The following ASTN2 variants were observed in gnomAD, a reference collection of about 807,000 sequenced individuals.
The protein encoded by ASTN2 is astrotactin 2.
A neutral mutation model predicts 139.8 loss-of-function variants in ASTN2; 54 were observed. That is an observed-to-expected ratio of 0.39 (90% CI 0.31 to 0.48). The LOEUF (loss-of-function observed/expected upper bound fraction) is 0.48. Among genes scored for constraint, ASTN2 ranks in the 20% least tolerant of loss-of-function variants. The pLI, the probability that ASTN2 is intolerant of heterozygous loss-of-function variation, is 0.95. For missense variants in ASTN2, 1,565 were observed against 1,725.1 expected, an observed-to-expected ratio of 0.91 and a Z score of 1.64; for synonymous variants, 756 against 719.5, an observed-to-expected ratio of 1.05 and a Z score of -0.81.
intron 2 of ASTN2, among the ~76,000 whole-genome samples, chr9:117,246,248 C>A (rs1304391008): frequency 6.6e-6 from 1 of 152,180 alleles, no homozygotes; most frequent in Non-Finnish European, 1.5e-5. Flanking sequence ...TCAATTCTTG[C>A]AAGAGATTCA....
rs142523515 is a variant in ASTN2, at chr9:116,632,194, GAGAAAGAAAGA to G, written c.3073-11762_3073-11752del. 4.8e-4 allele frequency among the ~76,000 whole-genome samples: 20 copies of G among 42,026 alleles called. 1 individual carries two copies. Among genetic ancestry groups the G allele is most frequent in the African/African-American group, 8.5e-4 (8 of 9,418 alleles). 27.6% of individuals were successfully genotyped at this position (42,026 alleles called of 152,430 possible). On this transcript the variant is annotated intron_variant, in intron 17 of 22. Transcript: ENST00000313400. ...AGAGAGAGAGAGAGAGGGAGAGAGA[GAGAAAGAAAGA>G]AAAGAAAGAAAGAAAGAAAGAAAGA...
intron 1 of ASTN2, among the ~76,000 whole-genome samples, chr9:117,410,945 G>A (rs1210908027): frequency 6.6e-6 from 1 of 152,160 alleles, no homozygotes; most frequent in Non-Finnish European, 1.5e-5. Flanking sequence ...TTGGAGAAAA[G>A]CTCTTGTCTA....
In ASTN2 at chr9:116,948,824, A is replaced by T. The variant is rs1288951529; in HGVS notation, c.1889+26384T>A. On this transcript the variant is annotated intron_variant, in intron 10 of 22. Coordinates refer to ENST00000313400, the MANE Select transcript of ASTN2 (RefSeq NM_001365068.1). The stretch of plus-strand genomic sequence containing the variant: ...TTTTTTTTTTTTGAGAAGGAGTCTC[A>T]CTCTGTCACCCAGGCTGGAGTGCAA... Among the ~76,000 whole-genome samples the T allele has an allele frequency of 6.6e-5, 5 of 75,610 alleles. No homozygotes were observed. In the South Asian group the frequency reaches 1.3e-3, roughly 20 times the overall value. 49.6% of individuals were successfully genotyped at this position (75,610 alleles called of 152,430 possible). A position where few individuals can be genotyped will look rare whatever the true frequency, so the allele number is the denominator to read the frequency against.
intron 2 of ASTN2, among the ~76,000 whole-genome samples, chr9:117,225,038 T>G (rs1005247755): frequency 2.6e-5 from 4 of 152,206 alleles, no homozygotes; most frequent in Non-Finnish European, 5.9e-5. Flanking sequence ...TATGTATTTA[T>G]TGTATTTCTA....
chr9:117,147,463 A>ACC (rs1303922580), intron 3 of ASTN2, among the ~76,000 whole-genome samples: 18 of 147,838 alleles, frequency 1.2e-4, no homozygotes, highest in Admixed American at 3.3e-4. Flanking sequence ...ACACACACAC[A>ACC]CCCCCGTTAT....
intron 11 of ASTN2, among the ~76,000 whole-genome samples, chr9:116,835,527 C>CACTAAAAG (rs1831957919): frequency 6.6e-6 from 1 of 152,144 alleles, no homozygotes; most frequent in African/African-American, 2.4e-5. Context: ...TAAGGGCAGC[C>CACTAAAAG]ACTAAAAGAC....
intron 5 of ASTN2, among the ~76,000 whole-genome samples, chr9:117,058,810 GA>G (rs1839147534): frequency 6.6e-6 from 1 of 152,196 alleles, no homozygotes; most frequent in Admixed American, 6.5e-5. Flanking sequence ...AGGGGGACAT[GA>G]GTGAGTATAC....
intron 10 of ASTN2, among the ~76,000 whole-genome samples, chr9:116,967,840 C>G (rs1836060891): frequency 6.6e-6 from 1 of 152,200 alleles, no homozygotes; most frequent in Admixed American, 6.5e-5. Context: ...CCCCAACCCT[C>G]CCTTCTGCCA....
Position 116,602,743 on chromosome 9 carries a change from A to G in ASTN2, c.3355+15581T>C, listed in dbSNP as rs191501156. On this transcript the variant is annotated intron_variant, in intron 19 of 22. Transcript: ENST00000313400. ...CAGGAGTTCGAGACCAGCCTGGGCA[A>G]CATGATGAATCCCTGTCTCTACCAA... Among the ~76,000 whole-genome samples, 167 of 152,294 alleles carry G rather than the reference A, an allele frequency of 1.1e-3. 2 individuals are homozygous for G. In the East Asian group the frequency reaches 0.028, roughly 25 times the overall value.
chr9:116,659,991 C>G (rs1323305183), intron 16 of ASTN2, among the ~76,000 whole-genome samples: 1 of 152,120 alleles, frequency 6.6e-6, no homozygotes, highest in African/African-American at 2.4e-5. Flanking sequence ...ATCTACAGTA[C>G]TCACGCCTGG....
At chr9:117,189,145 G>A (rs188596098) in intron 3 of ASTN2, among the ~76,000 whole-genome samples, 392 of 152,318 alleles carry the variant, frequency 2.6e-3, no homozygotes, top group Non-Finnish European at 3.6e-3. Context: ...ATTGTAAGCT[G>A]TAGAGAAAGA....
chr9:117,132,884 T>G (rs900996257), intron 4 of ASTN2, among the ~76,000 whole-genome samples: 3 of 152,148 alleles, frequency 2.0e-5, no homozygotes, highest in African/African-American at 7.2e-5. Context: ...CAGCATGCTT[T>G]AAAGAAGGAT....
chr9:116,984,300 A>C (rs963549848), intron 7 of ASTN2, among the ~76,000 whole-genome samples: 2 of 152,160 alleles, frequency 1.3e-5, no homozygotes, highest in Non-Finnish European at 1.5e-5. Flanking sequence ...TATCTTTTCA[A>C]AGAACAGCTG....
chr9:116,870,338 G>A (rs4837961), intron 10 of ASTN2, among the ~76,000 whole-genome samples: 131,335 of 152,088 alleles, frequency 0.86, 56,954 homozygotes, highest in Non-Finnish European at 0.91. Flanking sequence ...CTAATTCTCA[G>A]CTCTGTAGAT....
chr9:117,355,095 C>T (rs1326769202), intron 1 of ASTN2, among the ~76,000 whole-genome samples: 1 of 152,082 alleles, frequency 6.6e-6, no homozygotes. Flanking sequence ...TTTCCCTTTA[C>T]TCCAGGGGTC....
chr9:117,209,197 A>G (rs1289027472), intron 3 of ASTN2, among the ~76,000 whole-genome samples: 3 of 152,162 alleles, frequency 2.0e-5, no homozygotes, highest in Non-Finnish European at 4.4e-5. Context: ...ATTAGTTCCC[A>G]CCTATCAACA....
In ASTN2 at chr9:116,487,454, T is replaced by A. The variant is rs1347099370; in HGVS notation, c.3402A>T (p.Thr1134=). Residue 1134 remains threonine (T), a synonymous_variant, in exon 20 of 23, where the codon ACA becomes ACT. Coordinates refer to ENST00000313400, the MANE Select transcript of ASTN2 (RefSeq NM_001365068.1). ...FADDLLSGLG[T]SCVAAGRSHG... Reference sequence around the variant, plus strand: ...GGCTTCGACCAGCTGCTACACAAGATGTGCCCAGGCCAGAGAGTAAGTCAT... The same window carrying A: ...GGCTTCGACCAGCTGCTACACAAGAAGTGCCCAGGCCAGAGAGTAAGTCAT... 2.5e-6 allele frequency: 4 copies of A among 1,614,054 alleles called. No individual in the cohort carries two copies. The African/African-American group carries it at 5.3e-5, about 22-fold the overall frequency.
At chr9:117,155,834 T>G (rs1564453377) in intron 3 of ASTN2, among the ~76,000 whole-genome samples, 1 of 152,050 alleles carries the variant, frequency 6.6e-6, no homozygotes, top group African/African-American at 2.4e-5. Flanking sequence ...TCCTAACTTT[T>G]CATTCAATTA....
chr9:116,984,998 T>C (rs1836636085), intron 7 of ASTN2, among the ~76,000 whole-genome samples: 1 of 152,156 alleles, frequency 6.6e-6, no homozygotes, highest in South Asian at 2.1e-4. Context: ...TCGCGTGAAA[T>C]AACAAGAGGA....
Sources: gnomAD v4.1 joint callset for allele counts (sites outside exome capture counted in the v4.1 genomes callset) on GRCh38, gnomAD v4.1.1 for gene constraint, MANE v1.5 for transcripts, NCBI Gene and HGNC (gene_info 2026-07-23, HGNC 2026-07-21) for gene names.